Variants in ITIH1 observed in about 807,000 individuals in gnomAD.
The protein encoded by ITIH1 is inter-alpha-trypsin inhibitor heavy chain H1.
Under a neutral mutation model 104.6 loss-of-function variants are expected in ITIH1, and 94 were observed. The ratio of observed to expected loss-of-function variants is 0.90; its 90% CI spans 0.76 to 1.07. ITIH1 has a LOEUF of 1.07. Ranked by LOEUF, ITIH1 falls within the 50% of genes least tolerant of loss-of-function variation. ITIH1 has a pLI of 0.00. For missense variants in ITIH1, 1,193 were observed against 1,181.4 expected (o/e 1.01, Z -0.14); for synonymous variants, 455 against 464.4 (o/e 0.98, Z 0.26).
chr3:52,781,855 A>G (rs1333732576), intron 6 of ITIH1, 85 bp from the exon 7 acceptor site: 3 of 1,529,294 alleles, frequency 2.0e-6, no homozygotes, highest in Non-Finnish European at 1.8e-6. Flanking sequence ...ACACACACAC[A>G]CGCATGCCTT....
At chr3:52,784,955 G>A in intron 11 of ITIH1, 89 bp from the exon 12 acceptor site, 1 of 1,329,006 alleles carries the variant, frequency 7.5e-7, no homozygotes, top group Non-Finnish European at 1.1e-6. Flanking sequence ...TCTCTAACTT[G>A]GGAATTCCCA....
rs1202728617 is a variant in ITIH1, at chr3:52,778,438, C to T, written c.237C>T (p.Ala79=). The T allele has an allele frequency of 6.2e-7, 1 of 1,614,102 alleles. No homozygotes were observed. The highest frequency in any genetic ancestry group is 1.3e-5 in the African/African-American group (1 of 74,932). Residue 79 remains alanine, a synonymous_variant, in exon 3 of 22, where the codon GCC becomes GCT. Coordinates refer to ENST00000273283, the MANE Select transcript of ITIH1 (RefSeq NM_002215.4). ...YVVTSQVVNT[A]NEAREVAFDL... ...TCACCAGCCAAGTGGTCAACACTGCCAATGAAGCCAGGGAAGTGGCCTTCG... is the reference window on the plus strand; with the variant it reads ...TCACCAGCCAAGTGGTCAACACTGCTAATGAAGCCAGGGAAGTGGCCTTCG...
In ITIH1 at chr3:52,783,354, G is replaced by A. The variant is rs781152534; in HGVS notation, c.1225+15G>A. On this transcript the variant is annotated intron_variant, in intron 10 of 21. Transcript: ENST00000273283. ...TCCCACAGAGGGTAAGCACCTTGGG[G>A]GCTGCCTTGGGAGGTAGTGATCTCC... 1.7e-5 allele frequency: 27 copies of A among 1,612,506 alleles called. No homozygotes were observed. The highest frequency in any genetic ancestry group is 6.7e-5 in the African/African-American group (5 of 74,896).
chr3:52,787,312 A>G, intron 15 of ITIH1, 110 bp downstream of exon 15: 2 of 1,447,906 alleles, frequency 1.4e-6, no homozygotes, highest in Admixed American at 3.4e-5. Context: ...CCCTGACTCC[A>G]CTCCTTCCCG....
Position 52,787,982 on chromosome 3 carries a change from T to A in ITIH1, c.1925-4T>A, listed in dbSNP as rs1699246175. ...CTTCTAAATGCCACTCCCCCTCCCA[T>A]CAGCGTTCGTGCTGTCAGCCTTGCA... On this transcript the variant is annotated splice_region_variant and splice_polypyrimidine_tract_variant and intron_variant, in intron 16 of 21. Transcript: ENST00000273283. 8 of 1,613,378 alleles carry A rather than the reference T, an allele frequency of 5.0e-6. No individual in the cohort carries two copies. Among genetic ancestry groups the A allele is most frequent in the Non-Finnish European group, 6.8e-6 (8 of 1,179,460 alleles).
intron 3 of ITIH1, 107 bp from the exon 4 acceptor site, chr3:52,778,835 G>T: frequency 1.9e-6 from 2 of 1,069,350 alleles, no homozygotes; most frequent in South Asian, 2.7e-5. Flanking sequence ...GCAGTGGAAG[G>T]CTCGTCAGGA....
Position 52,784,157 on chromosome 3 carries a change from G to A in ITIH1, c.1226-139G>A, listed in dbSNP as rs1468757726. On this transcript the variant is annotated intron_variant, in intron 10 of 21. Transcript: ENST00000273283. ...TCTCCCAGGAGAGCCAGGAGGACGC[G>A]ATGCCTCAGGATGCCCAGGAGCCTG... is the stretch of plus-strand genomic sequence containing the variant. 1.3e-5 allele frequency: 9 copies of A among 707,934 alleles called. 1 individual carries two copies. The South Asian group carries it at 1.3e-4, about 11-fold the overall frequency. The allele number at this position is 707,934 out of a possible 1,614,324, so 43.9% of individuals were successfully genotyped here. A position where few individuals can be genotyped will look rare whatever the true frequency, so the allele number is the denominator to read the frequency against.
intron 12 of ITIH1, among the ~76,000 whole-genome samples, chr3:52,785,488 C>T (rs1021461032): frequency 6.6e-6 from 1 of 152,228 alleles, no homozygotes; most frequent in South Asian, 2.1e-4. Flanking sequence ...TGTTATTTTT[C>T]GCATCATTCA....
intron 11 of ITIH1, among the ~76,000 whole-genome samples, 195 bp downstream of exon 11, chr3:52,784,672 C>T (rs1465424503): frequency 6.6e-6 from 1 of 152,082 alleles, no homozygotes; most frequent in Non-Finnish European, 1.5e-5. Context: ...ATCGGGAGTT[C>T]GAGACCAGCC....
chr3:52,786,396 C>G lies in ITIH1; in HGVS notation c.1695C>G (p.Leu565=), dbSNP rs536750064. 6.3e-7 allele frequency: 1 copy of G among 1,586,156 alleles called. No individual in the cohort carries two copies. Among genetic ancestry groups the G allele is most frequent in the Admixed American group, 1.8e-5 (1 of 56,506 alleles). Residue 565 remains leucine (L), a synonymous_variant, in exon 13 of 22, where the codon CTC becomes CTG. Transcript: ENST00000273283. ...GHMLENHVER[L]WAYLTIQELL... The stretch of plus-strand genomic sequence containing the variant: ...TGCTGGAGAACCACGTCGAGCGCCT[C>G]TGGGCCTACCTCACCATCCAGGAGC...
Position 52,782,956 on chromosome 3 carries a change from G to C in ITIH1, c.931-1G>C. 6.2e-7 allele frequency: 1 copy of C among 1,613,724 alleles called. No individual in the cohort carries two copies. Among genetic ancestry groups the C allele is most frequent in the Non-Finnish European group, 8.5e-7 (1 of 1,179,814 alleles). On this transcript the variant is annotated splice_acceptor_variant, in intron 8 of 21. Transcript: ENST00000273283. LOFTEE classifies it high-confidence loss of function. ...GTCTACTGACTGTTCTGTCCTTGCAGACCAAGGAGGCACTCCTTAAAATTC... is the reference window on the plus strand; with the variant it reads ...GTCTACTGACTGTTCTGTCCTTGCACACCAAGGAGGCACTCCTTAAAATTC...
rs753017513 is a variant in ITIH1 at position 52,782,163 on chromosome 3, C to A, written c.826C>A (p.His276Asn). The stretch of plus-strand genomic sequence containing the variant: ...TCCTCTATTTCAGGTGGCCAATAAC[C>A]ACTTTGCCCACTTCTTTGCCCCCCA... ...KICDLLVANNHFAHFFAPQNL... is the reference protein window; with the variant it reads ...KICDLLVANNNFAHFFAPQNL... The change falls in exon 8 of 22, where the codon CAC becomes AAC. Residue 276 changes from histidine to asparagine, a missense_variant. His to Asn is a moderately conservative substitution (Grantham distance 68). Coordinates refer to ENST00000273283, the MANE Select transcript of ITIH1 (RefSeq NM_002215.4). The A allele has an allele frequency of 5.6e-6, 9 of 1,614,024 alleles. No homozygotes were observed. The African/African-American group carries it at 8.0e-5, about 14-fold the overall frequency.
intron 18 of ITIH1, among the ~76,000 whole-genome samples, chr3:52,788,621 C>T (rs914276007): frequency 2.0e-5 from 3 of 149,490 alleles, no homozygotes; most frequent in Non-Finnish European, 4.4e-5. Context: ...AGTACAGTGG[C>T]GTTATCTCAG....
chr3:52,781,904 C>T (rs1649246592), intron 6 of ITIH1, 36 bp from the exon 7 acceptor site: 1 of 1,611,438 alleles, frequency 6.2e-7, no homozygotes, highest in African/African-American at 1.3e-5. Flanking sequence ...TGTGGTTACA[C>T]AGACCAGTAA....
At position 52,779,818 on chromosome 3, in the gene ITIH1, G is replaced by A. The variant is rs560531191; in HGVS notation, c.573+224G>A. On this transcript the variant is annotated intron_variant, in intron 5 of 21. Coordinates refer to ENST00000273283, the MANE Select transcript of ITIH1 (RefSeq NM_002215.4). This position sits in a 1 kb window ranked among gnomAD's most constrained non-coding sequence, Gnocchi z 4.4. Reference sequence around the variant, plus strand: ...GCTTCGGTTTGCTCATCTGCTAGACGGGGGGTTTCTGTGAGTCCCAGGACC... The same window carrying A: ...GCTTCGGTTTGCTCATCTGCTAGACAGGGGGTTTCTGTGAGTCCCAGGACC... 2.3e-5 allele frequency: 27 copies of A among 1,169,606 alleles called. No individual in the cohort carries two copies. The highest frequency in any genetic ancestry group is 1.1e-4 in the African/African-American group (7 of 64,474). The allele number at this position is 1,169,606 out of a possible 1,614,324, so 72.5% of individuals were successfully genotyped here. A position where few individuals can be genotyped will look rare whatever the true frequency, so the allele number is the denominator to read the frequency against.
At position 52,777,721 on chromosome 3, in the gene ITIH1, A is replaced by G. The variant is rs140822871; in HGVS notation, c.106A>G (p.Lys36Glu). ...CCTGGGCTCGGCTACAGGCAGGTCC[A>G]AGAGCAGCGAGGTATATGGCTAAGC... ...PALGSATGRSKSSEKRQAVDT... is the reference protein window; with the variant it reads ...PALGSATGRSESSEKRQAVDT... The change falls in exon 1 of 22, where the codon AAG becomes GAG. Residue 36 changes from lysine (K) to glutamate (E), a missense_variant. By Grantham distance (56) the Lys-to-Glu change is moderately conservative (BLOSUM62 1). Coordinates refer to ENST00000273283, the MANE Select transcript of ITIH1 (RefSeq NM_002215.4). The G allele has an allele frequency of 1.2e-5, 19 of 1,587,558 alleles. No individual in the cohort carries two copies. In the African/African-American group the frequency reaches 1.9e-4, roughly 16 times the overall value.
intron 18 of ITIH1, 60 bp from the exon 19 acceptor site, chr3:52,789,593 C>T (rs1699293924): frequency 6.7e-7 from 1 of 1,487,178 alleles, no homozygotes; most frequent in Non-Finnish European, 9.4e-7. Context: ...AGGCATGATC[C>T]TGCTAAGCAA....
At position 52,784,330 on chromosome 3, in the gene ITIH1, C is replaced by G; in HGVS notation, c.1260C>G (p.Val420=). The change falls in exon 11 of 22, where the codon GTC becomes GTG. Residue 420 remains valine (V), a synonymous_variant. Coordinates refer to ENST00000273283, the MANE Select transcript of ITIH1 (RefSeq NM_002215.4). ...ACCGTTCCCAAATCCTCAAGAACGT[C>G]CGCAACGCCATCCGGGGCAGGTTCC... ...VTDRSQILKN[V]RNAIRGRFPL... is the part of the protein sequence containing the mutation. The G allele has an allele frequency of 1.2e-6, 2 of 1,614,088 alleles. No individual in the cohort carries two copies. The highest frequency in any genetic ancestry group is 1.7e-6 in the Non-Finnish European group (2 of 1,179,958).
chr3:52,783,649 T>C (rs1158169019), intron 10 of ITIH1, among the ~76,000 whole-genome samples: 3 of 152,152 alleles, frequency 2.0e-5, no homozygotes, highest in Admixed American at 2.0e-4. Context: ...TATCACCTAC[T>C]GTATGCTAAG....
Sources: allele counts gnomAD v4.1 joint callset (sites outside exome capture counted in the v4.1 genomes callset), GRCh38; gene constraint gnomAD v4.1.1; non-coding constraint Gnocchi (gnomAD v3.1); transcripts MANE v1.5; gene names NCBI Gene and HGNC (gene_info 2026-07-23, HGNC 2026-07-21).